Variants in ZNF385D observed in about 807,000 individuals in gnomAD.
ZNF385D encodes the protein zinc finger protein 385D.
Under a neutral mutation model 35.8 loss-of-function variants are expected in ZNF385D, and 15 were observed. That is an observed-to-expected ratio of 0.42 (90% confidence interval 0.28 to 0.64). The LOEUF (loss-of-function observed/expected upper bound fraction) is 0.64. ZNF385D is among the 30% of genes least tolerant of loss of function. The pLI is 0.23. For synonymous variants in ZNF385D, 212 were observed against 186.8 expected, an observed-to-expected ratio of 1.13 and a Z score of -1.10; for missense variants, 474 against 494.6, an observed-to-expected ratio of 0.96 and a Z score of 0.39.
chr3:21,464,422 T>A (rs1026685), intron 4 of ZNF385D, among the ~76,000 whole-genome samples: 1 of 151,952 alleles, frequency 6.6e-6, no homozygotes, highest in African/African-American at 2.4e-5. Context: ...TTTCTCTGCT[T>A]TCTCAATCTT....
At chr3:21,814,295 C>T (rs929428922) in intron 3 of ZNF385D, among the ~76,000 whole-genome samples, 1 of 152,136 alleles carries the variant, frequency 6.6e-6, no homozygotes, top group Non-Finnish European at 1.5e-5. Context: ...CATCAACTAA[C>T]GTGCAAAATA....
chr3:22,167,502 C>T (rs765990089), intron 3 of ZNF385D, among the ~76,000 whole-genome samples: 1 of 152,200 alleles, frequency 6.6e-6, no homozygotes, highest in Non-Finnish European at 1.5e-5. Flanking sequence ...AGCATATCCT[C>T]ATTCTTCTTA....
intron 3 of ZNF385D, among the ~76,000 whole-genome samples, chr3:22,093,367 AAT>A (rs1485717196): frequency 6.6e-5 from 10 of 151,790 alleles, no homozygotes; most frequent in African/African-American, 1.9e-4. Context: ...ATACATATAA[AAT>A]ATAGTTATAA....
At chr3:22,072,022 G>A (rs1700253617) in intron 3 of ZNF385D, among the ~76,000 whole-genome samples, 1 of 152,044 alleles carries the variant, frequency 6.6e-6, no homozygotes, top group African/African-American at 2.4e-5. Flanking sequence ...CTTGAGATGA[G>A]CAATAATTTA....
At position 21,712,556 on chromosome 3, in the gene ZNF385D, A is replaced by T. The variant is rs184623467; in HGVS notation, c.22+38339T>A. Among the ~76,000 whole-genome samples, 377 of 152,240 alleles carry T rather than the reference A, an allele frequency of 2.5e-3. 2 individuals are homozygous for T. Among genetic ancestry groups the T allele is most frequent in the Middle Eastern group, 0.02 (6 of 294 alleles). On this transcript the variant is annotated intron_variant, in intron 1 of 7. Transcript: ENST00000281523. ...AATAATAGAAAAGTAAACTTTTTTT[A>T]AAAAAAGTCTGTCACTTGTAACACC...
At chr3:21,701,200 G>A (rs954488520) in intron 1 of ZNF385D, among the ~76,000 whole-genome samples, 8 of 152,150 alleles carry the variant, frequency 5.3e-5, no homozygotes, top group Admixed American at 5.2e-4. Flanking sequence ...AGACATACCA[G>A]AAAGAGAGGT....
chr3:21,850,465 T>C (rs534806105), intron 3 of ZNF385D, among the ~76,000 whole-genome samples: 2 of 152,146 alleles, frequency 1.3e-5, no homozygotes, highest in South Asian at 2.1e-4. Flanking sequence ...TGACATGAAG[T>C]AGCCTGGAAT....
chr3:21,981,139 C>T (rs1694420926), intron 3 of ZNF385D, among the ~76,000 whole-genome samples: 1 of 152,158 alleles, frequency 6.6e-6, no homozygotes, highest in Admixed American at 6.6e-5. Context: ...TGAGGAATCA[C>T]TATGCTGCTT....
intron 2 of ZNF385D, among the ~76,000 whole-genome samples, chr3:22,371,662 T>A (rs1017735914): frequency 2.0e-5 from 3 of 152,020 alleles, no homozygotes; most frequent in African/African-American, 7.3e-5. Context: ...CAATAAAACA[T>A]CTCCCAAAAT....
chr3:22,079,541 A>T (rs1358392708), intron 3 of ZNF385D, among the ~76,000 whole-genome samples: 6 of 152,030 alleles, frequency 3.9e-5, no homozygotes, highest in African/African-American at 1.4e-4. Flanking sequence ...TGATTAGGAC[A>T]AAACAAAAAA....
rs190035156 is a variant in ZNF385D, at chr3:22,134,314, C to A, written c.325+34503G>T. 5.3e-5 allele frequency: 8 copies of A among 152,178 alleles called. No homozygotes were observed. In the East Asian group the frequency reaches 1.4e-3, roughly 26 times the overall value. 9.4% of individuals were successfully genotyped at this position (152,178 alleles called of 1,614,324 possible). ...GAACAAAAAAATTACAAAGGCTCAACTTACCAAGAAGATATAATGCTAAAT... is the reference window on the plus strand; with the variant it reads ...GAACAAAAAAATTACAAAGGCTCAAATTACCAAGAAGATATAATGCTAAAT... On this transcript the variant is annotated intron_variant, in intron 3 of 5. Coordinates refer to the ZNF385D transcript ENST00000494108.
chr3:22,067,783 G>A (rs1256143879), intron 3 of ZNF385D, among the ~76,000 whole-genome samples: 1 of 152,276 alleles, frequency 6.6e-6, no homozygotes, highest in South Asian at 2.1e-4. Context: ...CAGTACTTTG[G>A]GAAACTGAGG....
upstream of ZNF385D, among the ~76,000 whole-genome samples, chr3:21,754,658 T>A (rs2070259048): frequency 1.3e-5 from 2 of 152,232 alleles, no homozygotes; most frequent in South Asian, 2.1e-4. Flanking sequence ...TCCCCTGACA[T>A]TTCTTAACCT....
At chr3:22,270,369 T>C (rs533578415) in intron 2 of ZNF385D, among the ~76,000 whole-genome samples, 2 of 151,958 alleles carry the variant, frequency 1.3e-5, no homozygotes, top group African/African-American at 4.8e-5. Flanking sequence ...TTGACCCTCA[T>C]TTTGATAATA....
intron 3 of ZNF385D, among the ~76,000 whole-genome samples, chr3:22,022,107 A>G (rs1697257017): frequency 6.6e-6 from 1 of 152,108 alleles, no homozygotes; most frequent in Non-Finnish European, 1.5e-5. Context: ...GATTGTTAGG[A>G]AACTTAATTT....
chr3:21,459,289 TG>T (rs1485783275), intron 4 of ZNF385D: 1 of 152,174 alleles, frequency 6.6e-6, no homozygotes, highest in Non-Finnish European at 1.5e-5. Context: ...ATTGCTATTT[TG>T]GTACTAATTA....
intron 3 of ZNF385D, among the ~76,000 whole-genome samples, chr3:22,127,461 T>A (rs1469948185): frequency 6.7e-6 from 1 of 150,202 alleles, no homozygotes; most frequent in Admixed American, 6.7e-5. Context: ...TGCCTCAGCC[T>A]CCCTAGTAGC....
chr3:21,637,889 C>A (rs567909447), intron 2 of ZNF385D, among the ~76,000 whole-genome samples: 1 of 152,042 alleles, frequency 6.6e-6, no homozygotes, highest in Admixed American at 6.6e-5. Context: ...CTCAACAAAT[C>A]GAAGACCTCT....
At chr3:22,135,413 T>C (rs184222867) in intron 3 of ZNF385D, among the ~76,000 whole-genome samples, 5 of 152,248 alleles carry the variant, frequency 3.3e-5, no homozygotes, top group African/African-American at 9.6e-5. Context: ...CAATTTATAA[T>C]AGTTTCAAAC....
Sources: allele counts gnomAD v4.1 joint callset (sites outside exome capture counted in the v4.1 genomes callset), GRCh38; gene constraint gnomAD v4.1.1; transcripts MANE v1.5; gene names NCBI Gene and HGNC (gene_info 2026-07-23, HGNC 2026-07-21).